CAMTA1: variants seen among roughly 807,000 people sequenced by gnomAD.
CAMTA1 encodes the protein calmodulin-binding transcription activator 1.
Under a neutral mutation model 170.9 loss-of-function variants are expected in CAMTA1, and 27 were observed. The ratio of observed to expected loss-of-function variants is 0.16; its 90% CI spans 0.12 to 0.22. CAMTA1 has a LOEUF of 0.22. Among genes scored for constraint, CAMTA1 ranks in the 10% least tolerant of loss-of-function variants. CAMTA1 has a pLI of 1.00. For missense variants in CAMTA1, 1,619 were observed against 2,217.2 expected (o/e 0.73, Z 5.42); for synonymous variants, 833 against 891.5 (o/e 0.93, Z 1.17).
intron 5 of CAMTA1, among the ~76,000 whole-genome samples, chr1:7,430,948 A>G (rs74224550): frequency 0.072 from 11,005 of 152,318 alleles, 677 homozygotes; most frequent in East Asian, 0.27. Flanking sequence ...AACAATTTCT[A>G]AAAGAGAATA....
intron 5 of CAMTA1, among the ~76,000 whole-genome samples, chr1:7,264,104 G>A (rs1031966131): frequency 6.6e-6 from 1 of 152,198 alleles, no homozygotes; most frequent in African/African-American, 2.4e-5. Flanking sequence ...GGCCCAGGAA[G>A]GGCCTGGATG....
chr1:7,218,821 A>G (rs1660213113), intron 4 of CAMTA1, among the ~76,000 whole-genome samples: 1 of 151,980 alleles, frequency 6.6e-6, no homozygotes, highest in African/African-American at 2.4e-5. Context: ...TTTGATGTTT[A>G]TAGTGTCTCT....
intron 3 of CAMTA1, among the ~76,000 whole-genome samples, chr1:6,876,491 TA>T (rs1327034702): frequency 6.6e-6 from 1 of 152,008 alleles, no homozygotes; most frequent in Non-Finnish European, 1.5e-5. Flanking sequence ...GCCTCCAAAG[TA>T]GCTGGGATTA....
At chr1:7,061,279 C>A (rs149581515) in intron 3 of CAMTA1, among the ~76,000 whole-genome samples, 55 of 152,366 alleles carry the variant, frequency 3.6e-4, no homozygotes, top group African/African-American at 1.3e-3. Flanking sequence ...CAGAGCCGCT[C>A]ACCCTTGAGG....
intron 5 of CAMTA1, among the ~76,000 whole-genome samples, chr1:7,337,110 T>C (rs1190792401): frequency 1.3e-5 from 2 of 152,210 alleles, no homozygotes; most frequent in Admixed American, 1.3e-4. Flanking sequence ...TTAGGCAGAT[T>C]ACGGCAGATG....
rs112820447 is a variant in CAMTA1, at chr1:7,118,867, G to A, written c.302+27496G>A. Among the ~76,000 whole-genome samples, 557 of 152,246 alleles carry A rather than the reference G, an allele frequency of 3.7e-3. 5 individuals carry two copies. The highest frequency in any genetic ancestry group is 9.9e-3 in the African/African-American group (412 of 41,552). On this transcript the variant is annotated intron_variant, in intron 4 of 22. Coordinates refer to ENST00000303635, the MANE Select transcript of CAMTA1 (RefSeq NM_015215.4). Reference sequence around the variant, plus strand: ...GGGAACCTTGCCATTGAGAGGCTCCGAATACAAACCCATTTGTATAACAAG... The same window carrying A: ...GGGAACCTTGCCATTGAGAGGCTCCAAATACAAACCCATTTGTATAACAAG...
chr1:7,070,183 G>C (rs1440842217), intron 3 of CAMTA1, among the ~76,000 whole-genome samples: 1 of 152,186 alleles, frequency 6.6e-6, no homozygotes, highest in Non-Finnish European at 1.5e-5. Context: ...CCCACACAGA[G>C]AACAGCAGCA....
At chr1:7,185,478 A>G (rs1248534382) in intron 4 of CAMTA1, among the ~76,000 whole-genome samples, 1 of 152,232 alleles carries the variant, frequency 6.6e-6, no homozygotes, top group African/African-American at 2.4e-5. Context: ...GTCAAAATTA[A>G]TATAAATAAG....
intron 3 of CAMTA1, among the ~76,000 whole-genome samples, chr1:6,899,550 G>GCACACA (rs1223938454): frequency 2.3e-4 from 20 of 85,200 alleles, no homozygotes; most frequent in African/African-American, 5.3e-4. Context: ...GCGCACGCGC[G>GCACACA]CGCGCACACA....
rs371043973 is a variant in CAMTA1 at position 7,064,068 on chromosome 1, TCTC to T, written c.235-27218_235-27216del. Among the ~76,000 whole-genome samples the T allele has an allele frequency of 3.7e-3, 568 of 151,578 alleles. 2 individuals carry two copies. Among genetic ancestry groups the T allele is most frequent in the African/African-American group, 0.012 (478 of 41,286 alleles). ...ATGGTGGGAGCCTTTGCCTTCACCT[TCTC>T]CTCCTCCTCCTCCTCCTTCTTCTCC... On this transcript the variant is annotated intron_variant, in intron 3 of 22. Coordinates refer to ENST00000303635, the MANE Select transcript of CAMTA1 (RefSeq NM_015215.4). The surrounding 1 kb of genome is among the most constrained non-coding windows in gnomAD (Gnocchi z 5.4).
At chr1:7,013,202 C>T (rs1700063062) in intron 3 of CAMTA1, among the ~76,000 whole-genome samples, 1 of 111,318 alleles carries the variant, frequency 9.0e-6, no homozygotes, top group African/African-American at 3.9e-5. Flanking sequence ...CTGCCTTTGC[C>T]CTTCTTCTTT....
intron 3 of CAMTA1, among the ~76,000 whole-genome samples, chr1:6,940,061 G>A (rs549762108): frequency 1.2e-4 from 19 of 152,402 alleles, no homozygotes; most frequent in African/African-American, 4.3e-4. Context: ...AGTGTGTTGA[G>A]TTGAGTCCCC....
chr1:7,261,808 T>A (rs1336819171), intron 5 of CAMTA1, among the ~76,000 whole-genome samples: 1 of 152,170 alleles, frequency 6.6e-6, no homozygotes, highest in African/African-American at 2.4e-5. Flanking sequence ...ATTAACGAGG[T>A]GTTGGCGTTG....
rs373800873 is a variant in CAMTA1, at chr1:7,007,641, G to A, written c.235-83663G>A. On this transcript the variant is annotated intron_variant, in intron 3 of 22. Transcript: ENST00000303635. This position sits in a 1 kb window ranked among gnomAD's most constrained non-coding sequence, Gnocchi z 4.5. ...GACCTGGTGCTTGACCCAGACTGCC[G>A]AGGGGTGGCCGGGCCCTGTCAGTGC... Among the ~76,000 whole-genome samples the A allele has an allele frequency of 5.3e-5, 8 of 152,260 alleles. No individual in the cohort carries two copies. The South Asian group carries it at 1.2e-3, about 24-fold the overall frequency.
chr1:7,690,034 C>T (rs1414416261), intron 11 of CAMTA1, among the ~76,000 whole-genome samples: 1 of 152,194 alleles, frequency 6.6e-6, no homozygotes, highest in Non-Finnish European at 1.5e-5. Context: ...TGGCAGGCGC[C>T]TGTAATCCCA....
chr1:7,231,398 C>T (rs572605286), intron 4 of CAMTA1, among the ~76,000 whole-genome samples: 5 of 151,846 alleles, frequency 3.3e-5, no homozygotes, highest in East Asian at 1.9e-4. Flanking sequence ...GAAAGAGTCT[C>T]GCTCTGTCGC....
chr1:7,354,504 C>T lies in CAMTA1; in HGVS notation c.438+104878C>T, dbSNP rs115140457. Among the ~76,000 whole-genome samples, 1,436 of 152,252 alleles carry T rather than the reference C, an allele frequency of 9.4e-3. 24 individuals are homozygous for T. The highest frequency in any genetic ancestry group is 0.031 in the African/African-American group (1,306 of 41,544). On this transcript the variant is annotated intron_variant, in intron 5 of 22. Coordinates refer to ENST00000303635, the MANE Select transcript of CAMTA1 (RefSeq NM_015215.4). ...CATGGGCACCTAGGTTGATTCTGTACCTTTGCTATTTTGCATAATGCTGCA... is the reference window on the plus strand; with the variant it reads ...CATGGGCACCTAGGTTGATTCTGTATCTTTGCTATTTTGCATAATGCTGCA...
At chr1:6,975,954 C>T (rs546907466) in intron 3 of CAMTA1, among the ~76,000 whole-genome samples, 3 of 152,320 alleles carry the variant, frequency 2.0e-5, no homozygotes. Flanking sequence ...ATGATCTGTT[C>T]TTCCCTGCCG....
chr1:7,485,062 G>A (rs964488241), intron 6 of CAMTA1, among the ~76,000 whole-genome samples: 7 of 152,094 alleles, frequency 4.6e-5, no homozygotes, highest in African/African-American at 9.7e-5. Context: ...AGAGCTGCCC[G>A]GACCTGGATC....
Sources: gnomAD v4.1 joint callset for allele counts (sites outside exome capture counted in the v4.1 genomes callset) on GRCh38, gnomAD v4.1.1 for gene constraint, Gnocchi (gnomAD v3.1) non-coding constraint, MANE v1.5 for transcripts, NCBI Gene and HGNC (gene_info 2026-07-23, HGNC 2026-07-21) for gene names.